The following MUSK variants were observed in gnomAD, a reference collection of about 807,000 sequenced individuals.
MUSK encodes the protein muscle, skeletal receptor tyrosine-protein kinase.
A neutral mutation model predicts 88.7 loss-of-function variants in MUSK; 55 were observed. The observed-to-expected ratio is 0.62, with a 90% CI of 0.50 to 0.78. The LOEUF (loss-of-function observed/expected upper bound fraction) is 0.78. Among genes scored for constraint, MUSK ranks in the 30% least tolerant of loss-of-function variants. The pLI is 0.00. For missense variants in MUSK, 1,015 were observed against 1,074.3 expected (o/e 0.94, Z 0.77); for synonymous variants, 387 against 391.9 (o/e 0.99, Z 0.15).
At chr9:110,695,596 A>T in intron 4 of MUSK, 66 bp downstream of exon 4, 1 of 1,222,224 alleles carries the variant, frequency 8.2e-7, no homozygotes, top group Non-Finnish European at 1.1e-6. Flanking sequence ...TTCTTTACAC[A>T]CTCAGTTACA....
chr9:110,769,581 T>C (rs970735259), intron 9 of MUSK, among the ~76,000 whole-genome samples: 1 of 152,122 alleles, frequency 6.6e-6, no homozygotes, highest in Non-Finnish European at 1.5e-5. Context: ...TTGCAGTTAT[T>C]TGAAAAAATA....
At chr9:110,758,274 A>G (rs1160213650) in intron 7 of MUSK, among the ~76,000 whole-genome samples, 2 of 152,156 alleles carry the variant, frequency 1.3e-5, no homozygotes, top group Non-Finnish European at 2.9e-5. Flanking sequence ...CTAATTGATA[A>G]AGTTTTAAAA....
chr9:110,693,145 G>A (rs912650057), intron 3 of MUSK, among the ~76,000 whole-genome samples: 1 of 152,248 alleles, frequency 6.6e-6, no homozygotes, highest in African/African-American at 2.4e-5. Context: ...TTCATTCTGA[G>A]GATGAAACAC....
At chr9:110,703,895 T>C (rs1044160604) in intron 5 of MUSK, among the ~76,000 whole-genome samples, 7 of 152,042 alleles carry the variant, frequency 4.6e-5, no homozygotes, top group Non-Finnish European at 8.8e-5. Flanking sequence ...CAAGTCCCAA[T>C]CGGTAAAAAT....
intron 7 of MUSK, chr9:110,761,949 G>C: frequency 1.0e-6 from 1 of 983,304 alleles, no homozygotes; most frequent in Non-Finnish European, 1.2e-6. Flanking sequence ...TTGCCTTGGT[G>C]GATGTTACCC....
rs376705330 is a variant in MUSK, at chr9:110,744,081, C to T, written c.754-3560C>T. Among the ~76,000 whole-genome samples the T allele has an allele frequency of 2.4e-4, 36 of 152,126 alleles. 1 individual carries two copies. In the East Asian group the frequency reaches 3.3e-3, roughly 14 times the overall value. ...CTCCTGGGTTCAAGCAATGCTCCTGCCTCAGCCTCTGGAGTAGCTGGGACT... is the reference window on the plus strand; with the variant it reads ...CTCCTGGGTTCAAGCAATGCTCCTGTCTCAGCCTCTGGAGTAGCTGGGACT... On this transcript the variant is annotated intron_variant, in intron 6 of 14. Coordinates refer to ENST00000374448, the MANE Select transcript of MUSK (RefSeq NM_005592.4).
Position 110,787,787 on chromosome 9 carries a change from G to C in MUSK, c.1876G>C (p.Glu626Gln), listed in dbSNP as rs747293813. Residue 626 changes from glutamate (E) to glutamine (Q), a missense_variant, in exon 14 of 15, where the codon GAG becomes CAG. Transcript: ENST00000374448. ...AGATATGCAAGCGGACTTTCAGAGG[G>C]AGGCAGCCCTCATGGCAGAATTTGA... Reference protein sequence around the residue: ...SADMQADFQREAALMAEFDNP... With the variant: ...SADMQADFQRQAALMAEFDNP... 4 of 1,613,584 alleles carry C rather than the reference G, an allele frequency of 2.5e-6. No individual in the cohort carries two copies. Among genetic ancestry groups the C allele is most frequent in the Admixed American group, 1.7e-5 (1 of 59,958 alleles).
At chr9:110,697,583 T>G in intron 5 of MUSK, 117 bp downstream of exon 5, 2 of 1,087,658 alleles carry the variant, frequency 1.8e-6, no homozygotes, top group Non-Finnish European at 2.5e-6. Flanking sequence ...CCTCAGTTGT[T>G]CCAGATATTA....
Position 110,695,261 on chromosome 9 carries a change from C to T in MUSK, c.359-142C>T. 3 of 584,080 alleles carry T rather than the reference C, an allele frequency of 5.1e-6. No homozygotes were observed. In the South Asian group the frequency reaches 1.0e-4, roughly 20 times the overall value. 36.2% of individuals were successfully genotyped at this position (584,080 alleles called of 1,614,324 possible). Reference sequence around the variant, plus strand: ...TTTGAGATCTACTGAGGAAAACTGTCTTTGCATTTGGTGAATTTTGTAATG... The same window carrying T: ...TTTGAGATCTACTGAGGAAAACTGTTTTTGCATTTGGTGAATTTTGTAATG... On this transcript the variant is annotated intron_variant, in intron 3 of 14. Transcript: ENST00000374448.
rs2078148105 is a variant in MUSK, at chr9:110,805,322, A to G, written c.*4334A>G. Among the ~76,000 whole-genome samples, 1 of 151,914 alleles carries G rather than the reference A, an allele frequency of 6.6e-6. No homozygotes were observed. The highest frequency in any genetic ancestry group is 1.5e-5 in the Non-Finnish European group (1 of 67,798). On this transcript the variant is annotated 3_prime_UTR_variant, in exon 15 of 15. Coordinates refer to ENST00000374448, the MANE Select transcript of MUSK (RefSeq NM_005592.4). The stretch of plus-strand genomic sequence containing the variant: ...CTCTCCTAGTCAGATAAGACAGCCC[A>G]TTTATTTCAGTCTCACCAATACTGA...
At chr9:110,685,412 G>T (rs996173735) in intron 2 of MUSK, among the ~76,000 whole-genome samples, 1 of 151,998 alleles carries the variant, frequency 6.6e-6, no homozygotes, top group South Asian at 2.1e-4. Flanking sequence ...ATCAAGTCCT[G>T]GTTCCTTTTT....
At chr9:110,695,323 G>A in intron 3 of MUSK, 80 bp from the exon 4 acceptor site, 1 of 1,001,678 alleles carries the variant, frequency 1.0e-6, no homozygotes, top group Non-Finnish European at 1.4e-6. Context: ...CAGATGTTTA[G>A]AATTAAATTG....
rs1416816371 is a variant in MUSK at position 110,767,897 on chromosome 9, C to T, written c.998C>T (p.Ala333Val). 5 of 1,613,872 alleles carry T rather than the reference C, an allele frequency of 3.1e-6. No homozygotes were observed. The African/African-American group carries it at 4.0e-5, about 13-fold the overall frequency. ...TGTAATGCAGTCCTGGCAAAAGATG[C>T]TCTTGTTTTTCTCAACACCTCCTAT... ...EVCNAVLAKD[A>V]LVFLNTSYAD... The change falls in exon 9 of 15, where the codon GCT becomes GTT. Residue 333 changes from alanine to valine, a missense_variant. By Grantham distance (64) the Ala-to-Val change is moderately conservative. Transcript: ENST00000374448.
chr9:110,701,968 A>G (rs1242518054), intron 5 of MUSK, among the ~76,000 whole-genome samples: 1 of 146,896 alleles, frequency 6.8e-6, no homozygotes, highest in East Asian at 2.0e-4. Flanking sequence ...GGCTGGTCTC[A>G]AACTCCTCAA....
chr9:110,756,781 T>C (rs41427549), intron 7 of MUSK, among the ~76,000 whole-genome samples: 4,210 of 152,226 alleles, frequency 0.028, 194 homozygotes, highest in African/African-American at 0.097. Flanking sequence ...GGCCTACAAA[T>C]TGCAACAAAG....
chr9:110,746,997 T>C (rs187448421), intron 6 of MUSK, among the ~76,000 whole-genome samples: 45 of 152,332 alleles, frequency 3.0e-4, no homozygotes, highest in African/African-American at 1.1e-3. Context: ...TATCAGAGGA[T>C]CCACACCGTA....
intron 14 of MUSK, among the ~76,000 whole-genome samples, chr9:110,798,147 A>C (rs1342338088): frequency 6.6e-6 from 1 of 152,204 alleles, no homozygotes; most frequent in African/African-American, 2.4e-5. Flanking sequence ...CACTACTCTC[A>C]TAGTTTCTTG....
At chr9:110,697,962 AGTTAT>A (rs1338319702) in intron 5 of MUSK, among the ~76,000 whole-genome samples, 2 of 151,802 alleles carry the variant, frequency 1.3e-5, no homozygotes, top group Non-Finnish European at 2.9e-5. Flanking sequence ...CAGTTCTGTG[AGTTAT>A]GTTATCAAAA....
At chr9:110,710,228 C>T (rs1219606913) in intron 5 of MUSK, among the ~76,000 whole-genome samples, 3 of 152,042 alleles carry the variant, frequency 2.0e-5, no homozygotes, top group Non-Finnish European at 4.4e-5. Flanking sequence ...ATCAGACAGA[C>T]CTGGGTGTTA....
Sources: allele counts gnomAD v4.1 joint callset (sites outside exome capture counted in the v4.1 genomes callset), GRCh38; gene constraint gnomAD v4.1.1; transcripts MANE v1.5; gene names NCBI Gene and HGNC (gene_info 2026-07-23, HGNC 2026-07-21).